KCNK10: variants seen among roughly 807,000 people sequenced by gnomAD.
KCNK10 encodes the protein potassium two pore domain channel subfamily K member 10, also known as potassium channel subfamily K member 10.
Under a neutral mutation model 47.7 loss-of-function variants are expected in KCNK10, and 25 were observed. That is an observed-to-expected ratio of 0.52 (90% CI 0.38 to 0.73). The LOEUF (loss-of-function observed/expected upper bound fraction) is 0.73, where lower values mean the gene tolerates loss of function less well. KCNK10 is among the 30% of genes least tolerant of loss of function. The pLI is 0.00. For synonymous variants in KCNK10, 303 were observed against 285.6 expected (o/e 1.06, Z -0.61); for missense variants, 563 against 714.5 (o/e 0.79, Z 2.42).
chr14:88,186,232 G>A lies in KCNK10; in HGVS notation c.1012-77C>T, dbSNP rs1019286141. The A allele has an allele frequency of 4.8e-5, 71 of 1,476,514 alleles. No homozygotes were observed. The highest frequency in any genetic ancestry group is 5.1e-4 in the Middle Eastern group (2 of 3,920). The allele number at this position is 1,476,514 out of a possible 1,614,324, so 91.5% of individuals were successfully genotyped here. On this transcript the variant is annotated intron_variant, in intron 6 of 6. Transcript: ENST00000319231. The surrounding 1 kb of genome is among the most constrained non-coding windows in gnomAD (Gnocchi z 5.5). ...TGGCCTCCCAGCACCCACAGCCCTCGGGTGTCCCCACGGGGAGGCCAGGAG... is the reference window on the plus strand; with the variant it reads ...TGGCCTCCCAGCACCCACAGCCCTCAGGTGTCCCCACGGGGAGGCCAGGAG...
intron 1 of KCNK10, among the ~76,000 whole-genome samples, chr14:88,282,339 AG>A (rs1417519654): frequency 2.6e-5 from 4 of 152,198 alleles, no homozygotes; most frequent in African/African-American, 9.7e-5. Context: ...GCCACCTTCA[AG>A]TTCTGTTACA....
At chr14:88,233,599 A>G (rs1886213356) in intron 3 of KCNK10, among the ~76,000 whole-genome samples, 1 of 152,252 alleles carries the variant, frequency 6.6e-6, no homozygotes, top group Non-Finnish European at 1.5e-5. Context: ...TCCAAGGGCT[A>G]AGAGCCATTT....
intron 2 of KCNK10, among the ~76,000 whole-genome samples, chr14:88,255,549 A>T (rs1431028096): frequency 7.0e-6 from 1 of 143,140 alleles, no homozygotes; most frequent in Non-Finnish European, 1.5e-5. Context: ...AAAAAAAATT[A>T]AAAATTAGCT....
intron 2 of KCNK10, 119 bp from the exon 3 acceptor site, chr14:88,240,939 G>A (rs1886444913): frequency 1.7e-6 from 1 of 603,416 alleles, no homozygotes; most frequent in African/African-American, 1.9e-5. Context: ...CAGTGATCTA[G>A]AGAGAACTGG....
intron 4 of KCNK10, among the ~76,000 whole-genome samples, chr14:88,224,433 T>C (rs1885919514): frequency 1.3e-5 from 2 of 152,222 alleles, no homozygotes; most frequent in South Asian, 4.1e-4. Flanking sequence ...ATTCATGTCA[T>C]AAAAACTCCA....
At chr14:88,248,205 G>A (rs915561843) in intron 2 of KCNK10, among the ~76,000 whole-genome samples, 1 of 152,122 alleles carries the variant, frequency 6.6e-6, no homozygotes, top group African/African-American at 2.4e-5. Context: ...TTAAAAAACT[G>A]TACTGGACTA....
chr14:88,325,111 A>G (rs1371438357), upstream of KCNK10, among the ~76,000 whole-genome samples: 3 of 152,186 alleles, frequency 2.0e-5, no homozygotes, highest in Non-Finnish European at 4.4e-5. Context: ...CATAGAAATC[A>G]AACAAACAAG....
At chr14:88,287,676 TGTGTGTGTGTGTG>T (rs1887791907) in intron 1 of KCNK10, among the ~76,000 whole-genome samples, 1 of 2,200 alleles carries the variant, frequency 4.5e-4, no homozygotes, top group African/African-American at 6.5e-4. Context: ...TATTCCATGG[TGTGTGTGTGTGTG>T]TGTGTGTGTG....
chr14:88,281,726 C>CTATATATATATATATA (rs1887653233), intron 1 of KCNK10, among the ~76,000 whole-genome samples: 1 of 90,666 alleles, frequency 1.1e-5, no homozygotes, highest in African/African-American at 3.9e-5. Flanking sequence ...CTCTCTCTCT[C>CTATATATATATATATA]CATATATATA....
At chr14:88,219,146 C>A (rs190937488) in intron 4 of KCNK10, among the ~76,000 whole-genome samples, 171 of 152,208 alleles carry the variant, frequency 1.1e-3, no homozygotes, top group Admixed American at 2.7e-3. Context: ...TAGTATTCCC[C>A]CCGAAGAGTG....
intron 1 of KCNK10, among the ~76,000 whole-genome samples, chr14:88,279,701 A>T (rs1356167863): frequency 2.0e-5 from 3 of 152,136 alleles, no homozygotes; most frequent in Non-Finnish European, 4.4e-5. Flanking sequence ...CCTACCCAAC[A>T]TAATTGGCCA....
At chr14:88,311,696 T>C (rs1221424432) in intron 1 of KCNK10, among the ~76,000 whole-genome samples, 1 of 152,034 alleles carries the variant, frequency 6.6e-6, no homozygotes, top group Non-Finnish European at 1.5e-5. Context: ...CGGAAGAAAT[T>C]AGGTGCATGA....
In KCNK10 at chr14:88,181,111, GT is replaced by G. The variant is rs1179397700; in HGVS notation, c.*4423del. On this transcript the variant is annotated 3_prime_UTR_variant, in exon 7 of 7. Transcript: ENST00000319231. ...CGTTTTACAGGGGCTCTGAATGTTT[GT>G]TTTCCTACGCCTTTCCCGTGGTTCA... 2 of 316,746 alleles carry G rather than the reference GT, an allele frequency of 6.3e-6. No homozygotes were observed. The highest frequency in any genetic ancestry group is 1.1e-5 in the Non-Finnish European group (2 of 174,898). The allele number at this position is 316,746 out of a possible 1,614,324, so 19.6% of individuals were successfully genotyped here.
chr14:88,224,320 T>A (rs1885916141), intron 4 of KCNK10, among the ~76,000 whole-genome samples: 1 of 152,234 alleles, frequency 6.6e-6, no homozygotes, highest in Non-Finnish European at 1.5e-5. Context: ...TAAAGCTATA[T>A]TCTCTGATCA....
intron 3 of KCNK10, chr14:88,235,335 G>A (rs1566696402): frequency 2.2e-5 from 9 of 418,126 alleles, no homozygotes; most frequent in Admixed American, 8.6e-5. Flanking sequence ...ACTTCCATAA[G>A]AAAAAAAATG....
intron 2 of KCNK10, among the ~76,000 whole-genome samples, chr14:88,259,903 G>A (rs967311433): frequency 6.6e-5 from 10 of 152,182 alleles, no homozygotes; most frequent in Admixed American, 2.0e-4. Context: ...CTGTTCTTGT[G>A]ATAGTGAGTG....
chr14:88,312,400 A>T (rs570249118), intron 1 of KCNK10, among the ~76,000 whole-genome samples: 1 of 152,242 alleles, frequency 6.6e-6, no homozygotes, highest in Admixed American at 6.5e-5. Context: ...GTTTGCCGTC[A>T]CCCCCAGGCA....
intron 3 of KCNK10, chr14:88,234,922 AATG>A (rs1235624114): frequency 6.8e-5 from 21 of 307,050 alleles, no homozygotes; most frequent in African/African-American, 4.1e-4. Context: ...AAGCTCAGAA[AATG>A]ATGACAGGGC....
upstream of KCNK10, among the ~76,000 whole-genome samples, chr14:88,325,407 A>T (rs1888639227): frequency 6.6e-6 from 1 of 152,222 alleles, no homozygotes; most frequent in Non-Finnish European, 1.5e-5. Flanking sequence ...TCACCATCTC[A>T]TATTTCCTCT....
Sources: allele counts gnomAD v4.1 joint callset (sites outside exome capture counted in the v4.1 genomes callset), GRCh38; gene constraint gnomAD v4.1.1; non-coding constraint Gnocchi (gnomAD v3.1); transcripts MANE v1.5; gene names NCBI Gene and HGNC (gene_info 2026-07-23, HGNC 2026-07-21).